AGPS: variants seen among roughly 807,000 people sequenced by gnomAD.
The protein encoded by AGPS is alkylglycerone phosphate synthase.
In AGPS, 26 loss-of-function variants were observed where a neutral mutation model predicts 90.7. The ratio of observed to expected loss-of-function variants is 0.29; its 90% CI spans 0.21 to 0.40. The LOEUF (loss-of-function observed/expected upper bound fraction) is 0.40, where lower values mean the gene tolerates loss of function less well. AGPS is among the 10% of genes least tolerant of loss of function. The pLI is 1.00. For synonymous variants in AGPS, 294 were observed against 285.3 expected, an observed-to-expected ratio of 1.03 and a Z score of -0.31; for missense variants, 540 against 816.1, an observed-to-expected ratio of 0.66 and a Z score of 4.12.
chr2:177,430,425 G>A (rs1229980900), intron 2 of AGPS, among the ~76,000 whole-genome samples: 5 of 152,162 alleles, frequency 3.3e-5, no homozygotes, highest in African/African-American at 7.2e-5. Flanking sequence ...GTTACTGTGC[G>A]AGCCTGAGTG....
chr2:177,491,211 G>A (rs995141782), intron 11 of AGPS, among the ~76,000 whole-genome samples: 3 of 151,666 alleles, frequency 2.0e-5, no homozygotes, highest in South Asian at 2.1e-4. Context: ...TCCTAAAGAC[G>A]GAATAGTGTT....
intron 11 of AGPS, among the ~76,000 whole-genome samples, chr2:177,491,859 C>T (rs1427908255): frequency 7.5e-5 from 11 of 146,032 alleles, no homozygotes; most frequent in East Asian, 4.2e-4. Context: ...AATCTTCGCT[C>T]ACTGCAAACT....
At chr2:177,482,801 A>C (rs146297737) in intron 11 of AGPS, among the ~76,000 whole-genome samples, 8 of 152,208 alleles carry the variant, frequency 5.3e-5, no homozygotes, top group Admixed American at 5.2e-4. Context: ...ATTTTTTTTA[A>C]GACAAGATAA....
At chr2:177,533,411 A>G (rs1165559534) in intron 19 of AGPS, among the ~76,000 whole-genome samples, 1 of 151,862 alleles carries the variant, frequency 6.6e-6, no homozygotes, top group Non-Finnish European at 1.5e-5. Flanking sequence ...CTGTGTGACT[A>G]CAGGGGCCAA....
rs2079211273 is a variant in AGPS at position 177,539,303 on chromosome 2, A to G, written c.*1108A>G. 1 of 152,018 alleles carries G rather than the reference A, an allele frequency of 6.6e-6. No homozygotes were observed. The highest frequency in any genetic ancestry group is 1.5e-5 in the Non-Finnish European group (1 of 67,934). 9.4% of individuals were successfully genotyped at this position (152,018 alleles called of 1,614,324 possible). ...ACTGGTTTAACCTAATTTTTTTTAA[A>G]TGTAATGTATTAATGCATATACCAT... On this transcript the variant is annotated 3_prime_UTR_variant, in exon 20 of 20. Transcript: ENST00000264167.
intron 14 of AGPS, among the ~76,000 whole-genome samples, chr2:177,503,476 A>G (rs1688619770): frequency 1.3e-5 from 2 of 152,288 alleles, no homozygotes; most frequent in South Asian, 4.1e-4. Context: ...TAGTCTTTCC[A>G]GTCCTTCCTC....
intron 1 of AGPS, among the ~76,000 whole-genome samples, chr2:177,413,165 T>G (rs1022013158): frequency 6.6e-6 from 1 of 152,166 alleles, no homozygotes; most frequent in Admixed American, 6.5e-5. Flanking sequence ...TGCCCAACAA[T>G]TACGGTTTAC....
At chr2:177,451,860 A>G (rs1203778342) in intron 8 of AGPS, among the ~76,000 whole-genome samples, 2 of 152,302 alleles carry the variant, frequency 1.3e-5, no homozygotes, top group Non-Finnish European at 2.9e-5. Flanking sequence ...CTTTAGTGAC[A>G]TGCCACCAAT....
intron 1 of AGPS, among the ~76,000 whole-genome samples, chr2:177,412,707 T>A (rs1685654183): frequency 6.6e-6 from 1 of 152,140 alleles, no homozygotes; most frequent in Non-Finnish European, 1.5e-5. Context: ...ACTTCCAAGA[T>A]GGCAGCAAGC....
rs1559089390 is a variant in AGPS, at chr2:177,538,232, T to G, written c.*37T>G. The stretch of plus-strand genomic sequence containing the variant: ...CCATTACAAAAAAATGTCAATTTTT[T>G]TTTTAAGTTTTCAACTGTGGTTATA... On this transcript the variant is annotated 3_prime_UTR_variant, in exon 20 of 20. Coordinates refer to ENST00000264167, the MANE Select transcript of AGPS (RefSeq NM_003659.4). 6.3e-7 allele frequency: 1 copy of G among 1,598,002 alleles called. No individual in the cohort carries two copies. Among genetic ancestry groups the G allele is most frequent in the East Asian group, 2.2e-5 (1 of 44,736 alleles).
intron 15 of AGPS, among the ~76,000 whole-genome samples, chr2:177,507,040 C>G (rs1242031320): frequency 6.6e-6 from 1 of 151,320 alleles, no homozygotes; most frequent in Non-Finnish European, 1.5e-5. Context: ...TTCCGCCCCC[C>G]CTACCCCGGG....
intron 10 of AGPS, among the ~76,000 whole-genome samples, chr2:177,474,929 C>A (rs1687737412): frequency 6.6e-6 from 1 of 152,098 alleles, no homozygotes; most frequent in Non-Finnish European, 1.5e-5. Flanking sequence ...AATATTTCAC[C>A]AAAAGCTTAG....
Position 177,461,900 on chromosome 2 carries a change from A to G in AGPS, c.878A>G (p.Glu293Gly), listed in dbSNP as rs1687304100. 6.2e-7 allele frequency: 1 copy of G among 1,611,138 alleles called. No homozygotes were observed. Among genetic ancestry groups the G allele is most frequent in the Non-Finnish European group, 8.5e-7 (1 of 1,178,252 alleles). Residue 293 changes from glutamate (E) to glycine (G), a missense_variant, in exon 9 of 20, where the codon GAA becomes GGA. Glu to Gly is a moderately conservative substitution (Grantham distance 98). Coordinates refer to ENST00000264167, the MANE Select transcript of AGPS (RefSeq NM_003659.4). ...TAAATTTTTGTTTTTCAGCTTAAAG[A>G]AAGTGGTTATTGTACAGGTCATGAA... is the stretch of plus-strand genomic sequence containing the variant. The part of the protein sequence containing the change: ...TGQELERQLK[E>G]SGYCTGHEPD...
rs180768761 is a variant in AGPS, at chr2:177,518,669, G to A, written c.1698-2600G>A. Among the ~76,000 whole-genome samples the A allele has an allele frequency of 8.1e-3, 810 of 99,534 alleles. 4 individuals are homozygous for A. The highest frequency in any genetic ancestry group is 0.051 in the Middle Eastern group (4 of 78). 65.3% of individuals were successfully genotyped at this position (99,534 alleles called of 152,430 possible). On this transcript the variant is annotated intron_variant, in intron 17 of 19. Transcript: ENST00000264167. ...TTTCCTCTCCTCTCTTTTTCTGCCC[G>A]CCCCCCACCCCTTGCCACTATCTAT... is the stretch of plus-strand genomic sequence containing the variant.
chr2:177,402,261 T>C (rs1685351891), intron 1 of AGPS, among the ~76,000 whole-genome samples: 1 of 152,126 alleles, frequency 6.6e-6, no homozygotes, highest in South Asian at 2.1e-4. Context: ...GGCAAATGAG[T>C]GTTCTAGGCA....
intron 7 of AGPS, among the ~76,000 whole-genome samples, chr2:177,443,950 A>G (rs901902753): frequency 6.6e-6 from 1 of 152,214 alleles, no homozygotes; most frequent in African/African-American, 2.4e-5. Flanking sequence ...TACAAGGTAT[A>G]TATTTAGAAT....
chr2:177,424,273 C>T (rs1025981536), intron 2 of AGPS, among the ~76,000 whole-genome samples: 3 of 152,150 alleles, frequency 2.0e-5, no homozygotes, highest in African/African-American at 4.8e-5. Flanking sequence ...CTATCCATGT[C>T]CCTGCAAAGG....
At chr2:177,431,182 C>T (rs933913345) in intron 2 of AGPS, among the ~76,000 whole-genome samples, 5 of 152,098 alleles carry the variant, frequency 3.3e-5, no homozygotes, top group African/African-American at 7.2e-5. Context: ...ACCACATTAT[C>T]GGTAGGTCCA....
chr2:177,487,825 T>G (rs1688138704), intron 11 of AGPS, among the ~76,000 whole-genome samples: 1 of 152,140 alleles, frequency 6.6e-6, no homozygotes, highest in Non-Finnish European at 1.5e-5. Context: ...CAGAAGCCAC[T>G]CAGAACAAGT....
Sources: gnomAD v4.1 joint callset for allele counts (sites outside exome capture counted in the v4.1 genomes callset) on GRCh38, gnomAD v4.1.1 for gene constraint, MANE v1.5 for transcripts, NCBI Gene and HGNC (gene_info 2026-07-23, HGNC 2026-07-21) for gene names.